Variants in KCNT2 observed in about 807,000 individuals in gnomAD.
KCNT2 encodes the protein potassium channel subfamily T member 2.
KCNT2 carries 67 observed loss-of-function variants against 153.8 expected under a neutral mutation model. The ratio of observed to expected loss-of-function variants is 0.44; its 90% CI spans 0.36 to 0.53. The LOEUF (loss-of-function observed/expected upper bound fraction) is 0.53, where lower values mean the gene tolerates loss of function less well. Ranked by LOEUF, KCNT2 falls within the 20% of genes least tolerant of loss-of-function variation. The probability of loss-of-function intolerance (pLI) is 0.00; values close to 1 mark genes in which losing one functional copy is unlikely to be tolerated. For missense variants in KCNT2, 975 were observed against 1,354.8 expected, an observed-to-expected ratio of 0.72 and a Z score of 4.40; for synonymous variants, 500 against 458.8, an observed-to-expected ratio of 1.09 and a Z score of -1.15.
intron 1 of KCNT2, among the ~76,000 whole-genome samples, chr1:196,576,625 A>G (rs1227051750): frequency 6.6e-6 from 1 of 152,130 alleles, no homozygotes; most frequent in East Asian, 1.9e-4. Flanking sequence ...AATATGGAAA[A>G]TACTGCCAAT....
intron 12 of KCNT2, among the ~76,000 whole-genome samples, chr1:196,420,098 A>G (rs1673079484): frequency 6.6e-6 from 1 of 151,498 alleles, no homozygotes; most frequent in Non-Finnish European, 1.5e-5. Flanking sequence ...TGTTCATTTT[A>G]TTATTCTTCA....
intron 22 of KCNT2, among the ~76,000 whole-genome samples, chr1:196,300,099 T>C (rs1347145407): frequency 1.3e-5 from 2 of 152,216 alleles, no homozygotes; most frequent in Admixed American, 6.5e-5. Context: ...TGTATAGGCA[T>C]GTAGCAGGCT....
In KCNT2 at chr1:196,414,864, T is replaced by C. The variant is rs148471952; in HGVS notation, c.1185+8186A>G. Among the ~76,000 whole-genome samples, 781 of 152,016 alleles carry C rather than the reference T, an allele frequency of 5.1e-3. 6 individuals are homozygous for C. Among genetic ancestry groups the C allele is most frequent in the African/African-American group, 0.018 (751 of 41,568 alleles). ...TTTTACATCATGTAAGAACATACCA[T>C]GATTCCAGGTCTTCTGGCCCTCCCA... is the stretch of plus-strand genomic sequence containing the variant. On this transcript the variant is annotated intron_variant, in intron 12 of 27. Transcript: ENST00000294725.
chr1:196,284,248 A>AAAAAAAAATAT, intron 23 of KCNT2, among the ~76,000 whole-genome samples: 1 of 10,042 alleles, frequency 1.0e-4, no homozygotes, highest in African/African-American at 1.4e-4. Context: ...AAAAAAAAAA[A>AAAAAAAAATAT]ATATATATAT....
intron 1 of KCNT2, among the ~76,000 whole-genome samples, chr1:196,571,876 A>C (rs368534715): frequency 6.6e-6 from 1 of 152,110 alleles, no homozygotes; most frequent in East Asian, 1.9e-4. Context: ...TCAGCAGTAG[A>C]AATGGTATAT....
At chr1:196,421,202 G>A (rs1181485036) in intron 12 of KCNT2, among the ~76,000 whole-genome samples, 1 of 151,758 alleles carries the variant, frequency 6.6e-6, no homozygotes, top group East Asian at 1.9e-4. Flanking sequence ...TGTCCCTATA[G>A]GTATAAATCT....
intron 25 of KCNT2, among the ~76,000 whole-genome samples, chr1:196,275,370 A>AT (rs1179661201): frequency 1.6e-4 from 23 of 144,574 alleles, no homozygotes; most frequent in Non-Finnish European, 2.6e-4. Flanking sequence ...CCATAGACTG[A>AT]TTTTCCAGCC....
intron 1 of KCNT2, among the ~76,000 whole-genome samples, chr1:196,588,271 G>A (rs375760354): frequency 2.0e-5 from 3 of 150,104 alleles, no homozygotes; most frequent in Non-Finnish European, 1.5e-5. Flanking sequence ...AAATAGATGG[G>A]AAAAAAAAAC....
At chr1:196,558,212 C>T in intron 1 of KCNT2, among the ~76,000 whole-genome samples, 1 of 151,342 alleles carries the variant, frequency 6.6e-6, no homozygotes, top group East Asian at 1.9e-4. Flanking sequence ...TACACTGTTG[C>T]AAAAATTGTG....
intron 25 of KCNT2, among the ~76,000 whole-genome samples, chr1:196,274,346 T>C (rs1658355078): frequency 6.6e-6 from 1 of 151,666 alleles, no homozygotes; most frequent in Non-Finnish European, 1.5e-5. Context: ...GTATTATAAG[T>C]ATTATAATAG....
intron 1 of KCNT2, among the ~76,000 whole-genome samples, chr1:196,513,088 A>C (rs541541819): frequency 2.6e-5 from 4 of 152,300 alleles, no homozygotes; most frequent in African/African-American, 9.6e-5. Context: ...AATTCTAATT[A>C]TGGCATTCAG....
In KCNT2 at chr1:196,263,948, A is replaced by ATG. The variant is rs537716497; in HGVS notation, c.2911-5456_2911-5455dup. Among the ~76,000 whole-genome samples the ATG allele has an allele frequency of 1.7e-4, 26 of 151,822 alleles. No individual in the cohort carries two copies. The South Asian group carries it at 4.4e-3, about 26-fold the overall frequency. On this transcript the variant is annotated intron_variant, in intron 25 of 27. Coordinates refer to ENST00000294725, the MANE Select transcript of KCNT2 (RefSeq NM_198503.5). ...CTTGGTTTTACTGCATTGTGTGTAT[A>ATG]TGTGTGTGTGTGTTTAATTCAATCT...
intron 25 of KCNT2, among the ~76,000 whole-genome samples, chr1:196,279,791 T>A (rs1354353029): frequency 6.6e-6 from 1 of 151,974 alleles, no homozygotes; most frequent in Non-Finnish European, 1.5e-5. Context: ...TCAGAAAAAC[T>A]AACCTATTTT....
intron 10 of KCNT2, among the ~76,000 whole-genome samples, chr1:196,426,249 T>C (rs1221882135): frequency 6.6e-6 from 1 of 151,970 alleles, no homozygotes; most frequent in East Asian, 1.9e-4. Flanking sequence ...TAAGGGAAGG[T>C]AATCAGTGGT....
intron 8 of KCNT2, among the ~76,000 whole-genome samples, chr1:196,430,199 T>G (rs1455251619): frequency 1.3e-5 from 2 of 152,036 alleles, no homozygotes; most frequent in Admixed American, 1.3e-4. Flanking sequence ...CTTGAGGAGT[T>G]AACAATTGCC....
At chr1:196,342,305 G>A in intron 14 of KCNT2, 77 bp from the exon 15 acceptor site, 4 of 1,295,984 alleles carry the variant, frequency 3.1e-6, no homozygotes, top group Non-Finnish European at 4.3e-6. Flanking sequence ...AGTTGTTATA[G>A]AACTGTTTCT....
intron 26 of KCNT2, among the ~76,000 whole-genome samples, chr1:196,246,580 TATA>T (rs1431916996): frequency 1.3e-5 from 2 of 152,092 alleles, no homozygotes; most frequent in Non-Finnish European, 2.9e-5. Flanking sequence ...CAGGACATAG[TATA>T]ATAAGATATA....
intron 1 of KCNT2, among the ~76,000 whole-genome samples, chr1:196,533,475 T>A (rs910517315): frequency 1.3e-5 from 2 of 152,134 alleles, no homozygotes; most frequent in Non-Finnish European, 2.9e-5. Context: ...TGGCATTAAC[T>A]GGCAGCACTC....
At chr1:196,321,698 A>T (rs1050090048) in intron 19 of KCNT2, among the ~76,000 whole-genome samples, 6 of 151,928 alleles carry the variant, frequency 3.9e-5, no homozygotes, top group African/African-American at 1.4e-4. Context: ...CTGATGAAGG[A>T]TATCTAAGGT....
Sources: gnomAD v4.1 joint callset for allele counts (sites outside exome capture counted in the v4.1 genomes callset) on GRCh38, gnomAD v4.1.1 for gene constraint, MANE v1.5 for transcripts, NCBI Gene and HGNC (gene_info 2026-07-23, HGNC 2026-07-21) for gene names.